Variants in TENM2 observed in about 807,000 individuals in gnomAD.
The protein encoded by TENM2 is teneurin-2.
TENM2 carries 52 observed loss-of-function variants against 245.2 expected under a neutral mutation model. The ratio of observed to expected loss-of-function variants is 0.21; its 90% confidence interval spans 0.17 to 0.27. The LOEUF (loss-of-function observed/expected upper bound fraction) is 0.27. Ranked by LOEUF, TENM2 falls within the 10% of genes least tolerant of loss-of-function variation. The pLI is 1.00. For synonymous variants in TENM2, 1,363 were observed against 1,438.9 expected (o/e 0.95, Z 1.19); for missense variants, 3,046 against 3,666.8 (o/e 0.83, Z 4.37).
chr5:167,752,775 A>T (rs565437986), intron 2 of TENM2, among the ~76,000 whole-genome samples: 4 of 152,296 alleles, frequency 2.6e-5, no homozygotes, highest in South Asian at 4.1e-4. Context: ...AGGCTGACTG[A>T]TCCCCCAGAT....
chr5:167,271,153 C>A, the TENM2 span, among the ~76,000 whole-genome samples: 1 of 152,112 alleles, frequency 6.6e-6, no homozygotes, highest in Admixed American at 6.6e-5. Context: ...TTTGAGGCTG[C>A]AGGCTCATGG....
At chr5:167,823,602 C>A (rs765757787) in intron 2 of TENM2, among the ~76,000 whole-genome samples, 9 of 152,112 alleles carry the variant, frequency 5.9e-5, no homozygotes, top group Admixed American at 1.3e-4. Flanking sequence ...TATACTCAGC[C>A]TGAATGTGCT....
At chr5:167,036,890 GT>G in the TENM2 span, among the ~76,000 whole-genome samples, 1 of 151,996 alleles carries the variant, frequency 6.6e-6, no homozygotes, top group Non-Finnish European at 1.5e-5. Flanking sequence ...TCTCTTACCA[GT>G]TTTTGCCTTT....
At chr5:168,131,320 C>A (rs1754558285) in intron 12 of TENM2, among the ~76,000 whole-genome samples, 1 of 152,182 alleles carries the variant, frequency 6.6e-6, no homozygotes, top group African/African-American at 2.4e-5. Context: ...TGTATTTTAT[C>A]TATGTGGTCC....
chr5:167,049,577 G>C, the TENM2 span, among the ~76,000 whole-genome samples: 1 of 152,128 alleles, frequency 6.6e-6, no homozygotes, highest in African/African-American at 2.4e-5. Flanking sequence ...TGAGTTTTCA[G>C]TGAAAAGAAA....
In TENM2 at chr5:168,029,341, A is replaced by G. The variant is rs148645753; in HGVS notation, c.1187-18086A>G. ...TCTTTCACTTTCACAACCTGCCTTCATAGCCTTCAAAACAAAATTCCTCTC... is the reference window on the plus strand; with the variant it reads ...TCTTTCACTTTCACAACCTGCCTTCGTAGCCTTCAAAACAAAATTCCTCTC... On this transcript the variant is annotated intron_variant, in intron 5 of 28. Transcript: ENST00000518659. Among the ~76,000 whole-genome samples, 349 of 152,268 alleles carry G rather than the reference A, an allele frequency of 2.3e-3. 4 individuals carry two copies. Among genetic ancestry groups the G allele is most frequent in the African/African-American group, 7.8e-3 (322 of 41,546 alleles).
At chr5:167,150,657 C>G in the TENM2 span, among the ~76,000 whole-genome samples, 2 of 152,288 alleles carry the variant, frequency 1.3e-5, no homozygotes, top group South Asian at 2.1e-4. Flanking sequence ...AGGAAACTAA[C>G]ATACATAGAG....
intron 2 of TENM2, among the ~76,000 whole-genome samples, chr5:167,819,040 T>A (rs1767293469): frequency 1.3e-5 from 2 of 151,392 alleles, no homozygotes; most frequent in African/African-American, 4.9e-5. Context: ...CTGGGTTGTA[T>A]CATTGTGTGG....
intron 2 of TENM2, among the ~76,000 whole-genome samples, chr5:167,674,576 A>G (rs1167284891): frequency 6.6e-6 from 1 of 152,058 alleles, no homozygotes; most frequent in Non-Finnish European, 1.5e-5. Flanking sequence ...ATTCGAGACC[A>G]AGTTTCTACT....
At chr5:167,317,444 C>G (rs949047776) in intron 1 of TENM2, among the ~76,000 whole-genome samples, 1 of 152,100 alleles carries the variant, frequency 6.6e-6, no homozygotes, top group African/African-American at 2.4e-5. Context: ...CTCATCAACC[C>G]TACAGTTAAT....
chr5:167,838,342 A>C (rs1769194041), intron 2 of TENM2, among the ~76,000 whole-genome samples: 1 of 152,210 alleles, frequency 6.6e-6, no homozygotes, highest in Non-Finnish European at 1.5e-5. Context: ...AGGAAGTCCA[A>C]AGCTGAGATA....
intron 2 of TENM2, among the ~76,000 whole-genome samples, chr5:167,452,972 A>AAT (rs1765703606): frequency 2.1e-5 from 1 of 46,754 alleles, no homozygotes. Flanking sequence ...TTTAAAAAAA[A>AAT]AAACACTGGT....
chr5:167,358,156 T>C lies in TENM2; in HGVS notation c.227-17042T>C, dbSNP rs571801114. ...CTTCTACCAGTTACTGCCACATTCCTTTACTACAATTTGCAGCCAATCTCA... is the reference window on the plus strand; with the variant it reads ...CTTCTACCAGTTACTGCCACATTCCCTTACTACAATTTGCAGCCAATCTCA... On this transcript the variant is annotated intron_variant, in intron 1 of 28. Coordinates refer to ENST00000518659, the Ensembl canonical transcript of TENM2. Among the ~76,000 whole-genome samples the C allele has an allele frequency of 2.4e-4, 36 of 152,330 alleles. No individual in the cohort carries two copies. In the South Asian group the frequency reaches 5.4e-3, roughly 23 times the overall value.
At position 168,146,931 on chromosome 5, in the gene TENM2, C is replaced by A. The variant is rs1244499168; in HGVS notation, c.2423-15680C>A. Among the ~76,000 whole-genome samples, 6 of 152,224 alleles carry A rather than the reference C, an allele frequency of 3.9e-5. No homozygotes were observed. In the South Asian group the frequency reaches 1.2e-3, roughly 32 times the overall value. ...CAGAGAATATGGGCATCAGGGGACC[C>A]CCCCTTCACCTGTCGGGAAAGTCAT... On this transcript the variant is annotated intron_variant, in intron 12 of 28. Transcript: ENST00000518659.
chr5:167,317,052 A>C (rs1003526974), intron 1 of TENM2, among the ~76,000 whole-genome samples: 4 of 152,042 alleles, frequency 2.6e-5, no homozygotes, highest in African/African-American at 9.7e-5. Flanking sequence ...TTCTTATCAC[A>C]TTGATAACTT....
intron 2 of TENM2, among the ~76,000 whole-genome samples, chr5:167,590,108 T>A (rs1775778319): frequency 1.2e-5 from 1 of 84,950 alleles, no homozygotes; most frequent in Non-Finnish European, 2.8e-5. Flanking sequence ...CTTGATTACA[T>A]TTTTCTTAAA....
chr5:168,182,174 C>G (rs1299308536), intron 13 of TENM2, among the ~76,000 whole-genome samples: 1 of 152,206 alleles, frequency 6.6e-6, no homozygotes, highest in Non-Finnish European at 1.5e-5. Flanking sequence ...AAGAACTAAT[C>G]TCATATTGCC....
At chr5:167,650,964 T>C (rs186217492) in intron 2 of TENM2, among the ~76,000 whole-genome samples, 4 of 152,260 alleles carry the variant, frequency 2.6e-5, no homozygotes, top group Admixed American at 2.6e-4. Context: ...CTTCTACATA[T>C]GTCTCGGATC....
At chr5:168,103,252 T>G (rs1793967451) in intron 9 of TENM2, among the ~76,000 whole-genome samples, 1 of 152,240 alleles carries the variant, frequency 6.6e-6, no homozygotes, top group African/African-American at 2.4e-5. Context: ...GCAGACAAGC[T>G]GCACAGATAG....
Sources: allele counts gnomAD v4.1 joint callset (sites outside exome capture counted in the v4.1 genomes callset), GRCh38; gene constraint gnomAD v4.1.1; transcripts MANE v1.5; gene names NCBI Gene and HGNC (gene_info 2026-07-23, HGNC 2026-07-21).